Variants in SCFD2 observed in about 807,000 individuals in gnomAD.
SCFD2 encodes sec1 family domain containing 2, also known as sec1 family domain-containing protein 2.
SCFD2 carries 54 observed loss-of-function variants against 58.9 expected under a neutral mutation model. That is an observed-to-expected ratio of 0.92 (90% CI 0.74 to 1.15). SCFD2 has a LOEUF of 1.15. SCFD2 is among the 50% of genes most tolerant of loss of function. The pLI, the probability that SCFD2 is intolerant of heterozygous loss-of-function variation, is 0.00. For synonymous variants in SCFD2, 321 were observed against 335.9 expected (o/e 0.96, Z 0.49); for missense variants, 805 against 836.6 (o/e 0.96, Z 0.47).
At chr4:53,005,258 T>TC (rs760076847) in intron 5 of SCFD2, among the ~76,000 whole-genome samples, 23 of 152,300 alleles carry the variant, frequency 1.5e-4, no homozygotes, top group Non-Finnish European at 3.1e-4. Flanking sequence ...GAGACCAAGG[T>TC]AATAGATGTT....
chr4:52,902,933 A>G (rs1719240924), intron 7 of SCFD2, among the ~76,000 whole-genome samples: 3 of 152,228 alleles, frequency 2.0e-5, no homozygotes. Context: ...AGTAGACGTC[A>G]TGAGGAAGGA....
intron 2 of SCFD2, among the ~76,000 whole-genome samples, chr4:53,336,990 G>A (rs1733705003): frequency 6.6e-6 from 1 of 152,124 alleles, no homozygotes; most frequent in Admixed American, 6.6e-5. Context: ...AAACCACAAT[G>A]AGATACCACT....
chr4:53,209,878 A>G (rs557457251), intron 4 of SCFD2, among the ~76,000 whole-genome samples: 15 of 152,202 alleles, frequency 9.9e-5, no homozygotes, highest in Non-Finnish European at 1.6e-4. Flanking sequence ...CTCAAAGAAA[A>G]GGCCTAGCAC....
intron 7 of SCFD2, among the ~76,000 whole-genome samples, chr4:52,889,714 C>A (rs548296635): frequency 6.6e-6 from 1 of 152,292 alleles, no homozygotes; most frequent in South Asian, 2.1e-4. Context: ...GTAAACAAAC[C>A]AGTGTAACCA....
At chr4:52,883,552 G>A (rs1451965408) in intron 8 of SCFD2, among the ~76,000 whole-genome samples, 1 of 152,130 alleles carries the variant, frequency 6.6e-6, no homozygotes, top group Non-Finnish European at 1.5e-5. Context: ...TGTAGATTCC[G>A]GGGCTCTGTT....
intron 5 of SCFD2, among the ~76,000 whole-genome samples, chr4:52,959,807 C>G (rs78497106): frequency 0.036 from 5,482 of 151,794 alleles, 128 homozygotes; most frequent in Admixed American, 0.061. Context: ...ACATATGGAA[C>G]TAGTTACTGA....
chr4:52,989,478 A>G (rs985512152), intron 5 of SCFD2, among the ~76,000 whole-genome samples: 3 of 152,220 alleles, frequency 2.0e-5, no homozygotes, highest in African/African-American at 7.2e-5. Context: ...TAGGAGTTCA[A>G]CTTATGATAA....
chr4:53,178,363 ACCAC>A (rs895403965), intron 4 of SCFD2, among the ~76,000 whole-genome samples: 2 of 152,174 alleles, frequency 1.3e-5, no homozygotes, highest in African/African-American at 2.4e-5. Context: ...TTCTGCAGCC[ACCAC>A]TGATGATACC....
At chr4:53,045,668 T>C (rs968418460) in intron 5 of SCFD2, among the ~76,000 whole-genome samples, 1 of 152,126 alleles carries the variant, frequency 6.6e-6, no homozygotes, top group Non-Finnish European at 1.5e-5. Flanking sequence ...GGATTTTGTG[T>C]GTGTGCTTAG....
chr4:53,272,429 T>C (rs926066617), intron 4 of SCFD2, among the ~76,000 whole-genome samples: 2 of 152,048 alleles, frequency 1.3e-5, no homozygotes, highest in African/African-American at 4.8e-5. Flanking sequence ...CTATTCACAA[T>C]AGCAAAGACT....
chr4:53,344,048 A>G (rs1733975684), intron 2 of SCFD2, among the ~76,000 whole-genome samples: 1 of 152,134 alleles, frequency 6.6e-6, no homozygotes, highest in Admixed American at 6.5e-5. Context: ...CAAGACAGGG[A>G]TGCCCTCTCT....
At chr4:53,061,355 A>C (rs1723504282) in intron 5 of SCFD2, among the ~76,000 whole-genome samples, 1 of 152,164 alleles carries the variant, frequency 6.6e-6, no homozygotes, top group African/African-American at 2.4e-5. Flanking sequence ...ATCGAAGCCC[A>C]GAGAAGTTCA....
chr4:53,033,735 C>T (rs1333558431), intron 5 of SCFD2, among the ~76,000 whole-genome samples: 1 of 152,128 alleles, frequency 6.6e-6, no homozygotes, highest in Non-Finnish European at 1.5e-5. Context: ...TGGATAAATT[C>T]CTGGACACAA....
intron 5 of SCFD2, among the ~76,000 whole-genome samples, chr4:53,125,409 T>A (rs1367717620): frequency 6.6e-6 from 1 of 152,244 alleles, no homozygotes; most frequent in Non-Finnish European, 1.5e-5. Flanking sequence ...TTATTTATCT[T>A]GATCTAAAGC....
intron 5 of SCFD2, among the ~76,000 whole-genome samples, chr4:53,017,352 A>G (rs1722239999): frequency 6.6e-6 from 1 of 152,222 alleles, no homozygotes; most frequent in Non-Finnish European, 1.5e-5. Flanking sequence ...GAATAAAAAC[A>G]AGTTAAATGA....
At chr4:53,014,818 G>GA (rs1247750509) in intron 5 of SCFD2, among the ~76,000 whole-genome samples, 1 of 152,034 alleles carries the variant, frequency 6.6e-6, no homozygotes, top group African/African-American at 2.4e-5. Flanking sequence ...TGCACCTTTT[G>GA]AAAAAAACAG....
At chr4:53,136,439 TA>T (rs1455084110) in intron 5 of SCFD2, among the ~76,000 whole-genome samples, 1 of 152,112 alleles carries the variant, frequency 6.6e-6, no homozygotes, top group Non-Finnish European at 1.5e-5. Context: ...TTACCTACCA[TA>T]AAAACCCAGA....
chr4:53,218,756 T>C (rs183823946), intron 4 of SCFD2, among the ~76,000 whole-genome samples: 17 of 152,344 alleles, frequency 1.1e-4, no homozygotes, highest in East Asian at 1.9e-4. Context: ...CTCTGCTTTT[T>C]CCCCATCTTT....
intron 5 of SCFD2, among the ~76,000 whole-genome samples, chr4:53,122,955 T>G (rs1366645221): frequency 6.6e-6 from 1 of 152,148 alleles, no homozygotes; most frequent in Admixed American, 6.5e-5. Flanking sequence ...TATGGCTTAT[T>G]CATACAAAAA....
Sources: gnomAD v4.1 joint callset for allele counts (sites outside exome capture counted in the v4.1 genomes callset) on GRCh38, gnomAD v4.1.1 for gene constraint, MANE v1.5 for transcripts, NCBI Gene and HGNC (gene_info 2026-07-23, HGNC 2026-07-21) for gene names.